Variants in YBX2 observed in about 807,000 individuals in gnomAD.
YBX2 encodes Y-box-binding protein 2.
In YBX2, 5 loss-of-function variants were observed where a neutral mutation model predicts 44.4. The ratio of observed to expected loss-of-function variants is 0.11; its 90% CI spans 0.06 to 0.24. The LOEUF is 0.24. Ranked by LOEUF, YBX2 falls within the 10% of genes least tolerant of loss-of-function variation. YBX2 has a pLI of 1.00. For missense variants in YBX2, 417 were observed against 526.9 expected (o/e 0.79, Z 2.04); for synonymous variants, 188 against 216.1 (o/e 0.87, Z 1.14).
intron 6 of YBX2, 62 bp from the exon 7 acceptor site, chr17:7,289,787 G>A (rs1017883534): frequency 4.9e-5 from 79 of 1,604,664 alleles, no homozygotes; most frequent in Non-Finnish European, 5.9e-5. Flanking sequence ...GGCTCACCCA[G>A]CTGCCCCACC....
chr17:7,293,226 T>TC, intron 2 of YBX2: 1 of 592,366 alleles, frequency 1.7e-6, no homozygotes, highest in Admixed American at 3.0e-5. Context: ...GATGAGAAGC[T>TC]GGCAGGGTCA....
In YBX2 at chr17:7,289,260, G is replaced by C. The variant is rs531912760; in HGVS notation, c.1044+270C>G. On this transcript the variant is annotated intron_variant, in intron 7 of 8. Transcript: ENST00000007699. Reference sequence around the variant, plus strand: ...CCCCTCAGTTCACATCTACAAGCTGGTAGGATGGCTCCAGGCAGCAAGTGG... The same window carrying C: ...CCCCTCAGTTCACATCTACAAGCTGCTAGGATGGCTCCAGGCAGCAAGTGG... Among the ~76,000 whole-genome samples the C allele has an allele frequency of 1.5e-4, 23 of 148,608 alleles. No individual in the cohort carries two copies. In the East Asian group the frequency reaches 4.6e-3, roughly 29 times the overall value.
At chr17:7,289,751 G>C (rs1597603106) in intron 6 of YBX2, 26 bp from the exon 7 acceptor site, 10 of 1,612,594 alleles carry the variant, frequency 6.2e-6, no homozygotes, top group South Asian at 1.1e-5. Flanking sequence ...AGGCTCTGAG[G>C]GGACCAGGGA....
intron 2 of YBX2, 69 bp from the exon 3 acceptor site, chr17:7,292,128 C>T: frequency 1.3e-6 from 2 of 1,575,440 alleles, no homozygotes. Context: ...TGAGGTCCCC[C>T]TAGATGCCCA....
intron 4 of YBX2, 176 bp from the exon 5 acceptor site, chr17:7,290,711 A>C: frequency 1.3e-6 from 1 of 770,978 alleles, no homozygotes; most frequent in Admixed American, 2.9e-5. Flanking sequence ...TTTGGGAAGG[A>C]GCAACATGTC....
rs2072482423 is a variant in YBX2 at position 7,289,511 on chromosome 17, CCA to C, written c.1044+17_1044+18del. 2 of 1,585,026 alleles carry C rather than the reference CCA, an allele frequency of 1.3e-6. No homozygotes were observed. Among genetic ancestry groups the C allele is most frequent in the African/African-American group, 2.7e-5 (2 of 74,354 alleles). On this transcript the variant is annotated intron_variant, in intron 7 of 8. Coordinates refer to ENST00000007699, the MANE Select transcript of YBX2 (RefSeq NM_015982.4). ...GCTGGTCTCAGCCTTTTCTTTCATCCCACATCTGAGGTCCTCACCTCAGGGGC... is the reference window on the plus strand; with the variant it reads ...GCTGGTCTCAGCCTTTTCTTTCATCCCATCTGAGGTCCTCACCTCAGGGGC...
intron 6 of YBX2, 72 bp from the exon 7 acceptor site, chr17:7,289,797 C>A: frequency 6.2e-7 from 1 of 1,602,146 alleles, no homozygotes; most frequent in Non-Finnish European, 8.5e-7. Context: ...GCTGCCCCAC[C>A]CCACCTCCAG....
At chr17:7,288,922 G>T in intron 7 of YBX2, 84 bp from the exon 8 acceptor site, 1 of 1,554,086 alleles carries the variant, frequency 6.4e-7, no homozygotes, top group Non-Finnish European at 8.8e-7. Context: ...GAGTACAGTG[G>T]CGTGATCTTG....
intron 4 of YBX2, 58 bp from the exon 5 acceptor site, chr17:7,290,593 C>CA: frequency 1.3e-6 from 2 of 1,578,624 alleles, no homozygotes; most frequent in Non-Finnish European, 1.7e-6. Context: ...GTGCATTTCC[C>CA]AACTTGCTTC....
chr17:7,294,019 T>C lies in YBX2; in HGVS notation c.271+211A>G. The C allele has an allele frequency of 1.8e-6, 1 of 555,942 alleles. No homozygotes were observed. The highest frequency in any genetic ancestry group is 2.7e-6 in the Non-Finnish European group (1 of 367,448). The allele number at this position is 555,942 out of a possible 1,614,324, so 34.4% of individuals were successfully genotyped here. ...TTATTCTCCACCCCAAGACCTTAGCTGAACCTGCCGGCCCCGCCCTCTCTC... is the reference window on the plus strand; with the variant it reads ...TTATTCTCCACCCCAAGACCTTAGCCGAACCTGCCGGCCCCGCCCTCTCTC... On this transcript the variant is annotated intron_variant, in intron 1 of 8. Transcript: ENST00000007699. The surrounding 1 kb of genome is among the most constrained non-coding windows in gnomAD (Gnocchi z 4.6).
chr17:7,288,616 C>G lies in YBX2; in HGVS notation c.*67G>C, dbSNP rs1370587710. On this transcript the variant is annotated 3_prime_UTR_variant, in exon 9 of 9. Transcript: ENST00000007699. ...GGGGAGCAGGGTACTGGGTAGGGTACAGGTCATTTGGAAAAACTGGCAGAT... is the reference window on the plus strand; with the variant it reads ...GGGGAGCAGGGTACTGGGTAGGGTAGAGGTCATTTGGAAAAACTGGCAGAT... 3 of 701,200 alleles carry G rather than the reference C, an allele frequency of 4.3e-6. No homozygotes were observed. The highest frequency in any genetic ancestry group is 7.5e-6 in the Non-Finnish European group (3 of 402,246). The allele number at this position is 701,200 out of a possible 1,614,324, so 43.4% of individuals were successfully genotyped here. A position where few individuals can be genotyped will look rare whatever the true frequency, so the allele number is the denominator to read the frequency against.
In YBX2 at chr17:7,288,450, A is replaced by G; in HGVS notation, c.*233T>C. 3.6e-6 allele frequency: 1 copy of G among 279,618 alleles called. No individual in the cohort carries two copies. The highest frequency in any genetic ancestry group is 4.9e-5 in the Admixed American group (1 of 20,360). 17.3% of individuals were successfully genotyped at this position (279,618 alleles called of 1,614,324 possible). On this transcript the variant is annotated 3_prime_UTR_variant, in exon 9 of 9. Transcript: ENST00000007699. ...CGGGAGGGAGTTGCTGTCTCTGAACAGTAAGGATGGCTCCCTTCCTTCAAC... is the reference window on the plus strand; with the variant it reads ...CGGGAGGGAGTTGCTGTCTCTGAACGGTAAGGATGGCTCCCTTCCTTCAAC...
Position 7,291,335 on chromosome 17 carries a change from G to A in YBX2, c.370-153C>T, listed in dbSNP as rs1199433687. On this transcript the variant is annotated intron_variant, in intron 3 of 8. Coordinates refer to ENST00000007699, the MANE Select transcript of YBX2 (RefSeq NM_015982.4). This position sits in a 1 kb window ranked among gnomAD's most constrained non-coding sequence, Gnocchi z 5.8. ...CAAGGAGGTGGTCAAAGTTTAGCAG[G>A]GGAAAAGTCCTGAACTCAGGGCCTC... 1.1e-5 allele frequency: 8 copies of A among 756,396 alleles called. No individual in the cohort carries two copies. In the Admixed American group the frequency reaches 1.2e-4, roughly 12 times the overall value. The allele number at this position is 756,396 out of a possible 1,614,324, so 46.9% of individuals were successfully genotyped here.
chr17:7,293,651 A>G, intron 1 of YBX2, 113 bp from the exon 2 acceptor site: 1 of 1,561,846 alleles, frequency 6.4e-7, no homozygotes, highest in Non-Finnish European at 8.7e-7. Flanking sequence ...CTTATTACCT[A>G]TTCAGGTTAC....
Position 7,290,299 on chromosome 17 carries a change from C to T in YBX2, c.696G>A (p.Arg232=). The T allele has an allele frequency of 1.2e-6, 2 of 1,613,902 alleles. No homozygotes were observed. The highest frequency in any genetic ancestry group is 1.1e-5 in the South Asian group (1 of 91,064). ...RWCPPPFFYR[R]RFVRGPRPPN... is the part of the protein sequence containing the mutation. ...GAGGCCGGGGGCCTCGCACAAACCG[C>T]CGTCGGTAGAAGAAGGGTGGGGGGC... The change falls in exon 5 of 9, where the codon CGG becomes CGA. Residue 232 remains arginine, a synonymous_variant. Transcript: ENST00000007699.
At chr17:7,292,169 C>A in intron 2 of YBX2, 110 bp from the exon 3 acceptor site, 1 of 1,283,444 alleles carries the variant, frequency 7.8e-7, no homozygotes, top group Non-Finnish European at 1.1e-6. Context: ...TCCTCTCCAG[C>A]ATTCCAGTTA....
In YBX2 at chr17:7,290,038, G is replaced by A. The variant is rs368332179; in HGVS notation, c.778C>T (p.Pro260Ser). 4.8e-5 allele frequency: 77 copies of A among 1,614,090 alleles called. No homozygotes were observed. The highest frequency in any genetic ancestry group is 6.4e-5 in the Non-Finnish European group (76 of 1,180,036). Residue 260 changes from proline (P) to serine (S), a missense_variant, in exon 6 of 9, where the codon CCA becomes TCA. By Grantham distance (74) the Pro-to-Ser change is moderately conservative. Transcript: ENST00000007699. ...CCCTGCTGTTGGTGCCCCTCCAATGGGGCTGTCTCTTTGGGTTCTACCCTG... is the reference window on the plus strand; with the variant it reads ...CCCTGCTGTTGGTGCCCCTCCAATGAGGCTGTCTCTTTGGGTTCTACCCTG... ...TDRVEPKETA[P>S]LEGHQQQGDE...
rs1208972733 is a variant in YBX2, at chr17:7,289,586, G to C, written c.988C>G (p.Gln330Glu). ...RNRPYFQRRR[Q>E]QAPGPQQAPG... ...GCCTGCTGGGGGCCAGGGGCCTGCT[G>C]CCGTCTCCGCTGGAAGTAGGGGCGG... is the stretch of plus-strand genomic sequence containing the variant. The change falls in exon 7 of 9, where the codon CAG becomes GAG. Residue 330 changes from glutamine to glutamate, a missense_variant. Gln to Glu is a conservative substitution (Grantham distance 29, BLOSUM62 2). Around this residue, in one of 3 missense-constraint regions of YBX2, gnomAD observed 257 missense variants for 261.7 expected, o/e 0.98. Coordinates refer to ENST00000007699, the MANE Select transcript of YBX2 (RefSeq NM_015982.4). 2 of 1,613,188 alleles carry C rather than the reference G, an allele frequency of 1.2e-6. No individual in the cohort carries two copies. Among genetic ancestry groups the C allele is most frequent in the South Asian group, 2.2e-5 (2 of 91,000 alleles).
Position 7,288,805 on chromosome 17 carries a change from T to C in YBX2, c.1078A>G (p.Thr360Ala). The C allele has an allele frequency of 1.2e-6, 2 of 1,613,846 alleles. No homozygotes were observed. Among genetic ancestry groups the C allele is most frequent in the Non-Finnish European group, 1.7e-6 (2 of 1,179,830 alleles). The change falls in exon 8 of 9, where the codon ACC (threonine) becomes GCC (alanine). Residue 360 changes from threonine to alanine, a missense_variant. Physicochemically the swap from Thr to Ala is moderately conservative, Grantham distance 58. Coordinates refer to ENST00000007699, the MANE Select transcript of YBX2 (RefSeq NM_015982.4). Reference sequence around the variant, plus strand: ...AGTTGGAATCACTCCAGGATGGTGGTGGTGGGGTCCCCACTGTTGACAGGG... The same window carrying C: ...AGTTGGAATCACTCCAGGATGGTGGCGGTGGGGTCCCCACTGTTGACAGGG... ...SAPVNSGDPT[T>A]TILE
Sources: gnomAD v4.1 joint callset for allele counts (sites outside exome capture counted in the v4.1 genomes callset) on GRCh38, gnomAD v4.1.1 for gene constraint, gnomAD v4.1.1 regional missense constraint, Gnocchi (gnomAD v3.1) non-coding constraint, MANE v1.5 for transcripts, NCBI Gene and HGNC (gene_info 2026-07-23, HGNC 2026-07-21) for gene names.